Variants in TSNARE1 observed in about 807,000 individuals in gnomAD.
TSNARE1 encodes the protein t-SNARE domain containing 1.
Under a neutral mutation model 62.0 loss-of-function variants are expected in TSNARE1, and 49 were observed. That is an observed-to-expected ratio of 0.79 (90% CI 0.63 to 1.00). The LOEUF is 1.00. TSNARE1 is among the 50% of genes least tolerant of loss of function. The pLI, the probability that TSNARE1 is intolerant of heterozygous loss-of-function variation, is 0.00. For synonymous variants in TSNARE1, 328 were observed against 294.4 expected (o/e 1.11, Z -1.17); for missense variants, 755 against 700.1 (o/e 1.08, Z -0.88).
chr8:142,216,449 C>T (rs373036044), intron 13 of TSNARE1, among the ~76,000 whole-genome samples: 11 of 152,166 alleles, frequency 7.2e-5, no homozygotes, highest in South Asian at 6.2e-4. Flanking sequence ...TCTGGCCACA[C>T]GCTCGGGGGC....
intron 11 of TSNARE1, among the ~76,000 whole-genome samples, chr8:142,281,527 G>A (rs1466599114): frequency 6.6e-6 from 1 of 151,938 alleles, no homozygotes; most frequent in African/African-American, 2.4e-5. Flanking sequence ...TGACTACAGT[G>A]GGAAGAGGAC....
chr8:142,320,537 G>A (rs575870641), intron 6 of TSNARE1, among the ~76,000 whole-genome samples: 4 of 150,972 alleles, frequency 2.6e-5, no homozygotes, highest in African/African-American at 9.7e-5. Flanking sequence ...CTAGGCCCAC[G>A]TGGGTGGCCT....
rs1817351607 is a variant in TSNARE1, at chr8:142,235,321, G to A, written c.1447-5742C>T. ...GGTGGCTGGATGCTGGATGTCTAACGCGGGCCCCAGCGCCCTCGTCGGGCC... is the reference window on the plus strand; with the variant it reads ...GGTGGCTGGATGCTGGATGTCTAACACGGGCCCCAGCGCCCTCGTCGGGCC... On this transcript the variant is annotated intron_variant, in intron 12 of 13. Transcript: ENST00000524325. Among the ~76,000 whole-genome samples, 6 of 152,188 alleles carry A rather than the reference G, an allele frequency of 3.9e-5. No individual in the cohort carries two copies. The South Asian group carries it at 1.2e-3, about 32-fold the overall frequency.
chr8:142,278,483 GC>G (rs1264507894), intron 11 of TSNARE1: 12 of 985,372 alleles, frequency 1.2e-5, no homozygotes, highest in Non-Finnish European at 8.4e-6. Context: ...GGAGGGTCCA[GC>G]GGGGCTCTGC....
chr8:142,356,612 G>A (rs1177933748), intron 1 of TSNARE1, among the ~76,000 whole-genome samples: 1 of 152,196 alleles, frequency 6.6e-6, no homozygotes, highest in Non-Finnish European at 1.5e-5. Context: ...ACTATCCAGA[G>A]AGAAAACTTT....
intron 13 of TSNARE1, among the ~76,000 whole-genome samples, chr8:142,223,286 AT>A (rs1465595931): frequency 9.3e-5 from 1 of 10,750 alleles, no homozygotes; most frequent in South Asian, 2.4e-3. Context: ...TCACTCACTC[AT>A]ACTCACTCAA....
At chr8:142,262,128 G>A (rs1818925293) in intron 12 of TSNARE1, among the ~76,000 whole-genome samples, 1 of 152,216 alleles carries the variant, frequency 6.6e-6, no homozygotes, top group African/African-American at 2.4e-5. Flanking sequence ...ACTCCGTGGT[G>A]GGACAGCAGT....
At chr8:142,293,149 C>G (rs912204544) in intron 10 of TSNARE1, among the ~76,000 whole-genome samples, 1 of 152,236 alleles carries the variant, frequency 6.6e-6, no homozygotes, top group Non-Finnish European at 1.5e-5. Flanking sequence ...AGGCCATCAG[C>G]AGCATCTGCT....
chr8:142,383,220 G>A (rs532394544), intron 1 of TSNARE1, among the ~76,000 whole-genome samples: 4 of 152,360 alleles, frequency 2.6e-5, no homozygotes, highest in African/African-American at 7.2e-5. Flanking sequence ...CAGTGTGCGT[G>A]GAGAACAACC....
At position 142,222,591 on chromosome 8, in the gene TSNARE1, CTCAT is replaced by C. The variant is rs1563755568; in HGVS notation, c.*11+6878_*11+6881del. On this transcript the variant is annotated intron_variant, in intron 13 of 13. Coordinates refer to ENST00000524325, the MANE Select transcript of TSNARE1 (RefSeq NM_145003.5). ...ACTCACTCAGCCACTCATTCACTCACTCATTCATCCACTCACTCATTCATCCACT... is the reference window on the plus strand; with the variant it reads ...ACTCACTCAGCCACTCATTCACTCACTCATCCACTCACTCATTCATCCACT... Among the ~76,000 whole-genome samples the C allele has an allele frequency of 6.6e-3, 881 of 134,014 alleles. 333 individuals are homozygous for C. Among genetic ancestry groups the C allele is most frequent in the Non-Finnish European group, 9.6e-3 (596 of 61,864 alleles). 87.9% of individuals were successfully genotyped at this position (134,014 alleles called of 152,430 possible).
chr8:142,306,711 C>T (rs1012126796), intron 9 of TSNARE1, among the ~76,000 whole-genome samples: 7 of 152,232 alleles, frequency 4.6e-5, no homozygotes, highest in Non-Finnish European at 7.3e-5. Context: ...TTTTGTTGAA[C>T]AGGGTTGCAT....
intron 1 of TSNARE1, among the ~76,000 whole-genome samples, chr8:142,385,347 T>C (rs1837042356): frequency 1.3e-5 from 2 of 152,278 alleles, no homozygotes; most frequent in South Asian, 4.1e-4. Context: ...CCCACCATTC[T>C]GAAAAAAACA....
At chr8:142,261,085 A>G in intron 12 of TSNARE1, among the ~76,000 whole-genome samples, 1 of 105,334 alleles carries the variant, frequency 9.5e-6, no homozygotes, top group Non-Finnish European at 1.9e-5. Context: ...AGAGGAAAGG[A>G]GGAAGGAGGG....
chr8:142,251,260 T>G, intron 12 of TSNARE1, among the ~76,000 whole-genome samples: 1 of 141,576 alleles, frequency 7.1e-6, no homozygotes, highest in Non-Finnish European at 1.6e-5. Context: ...CTGCCCCCCA[T>G]GCCACACACT....
intron 4 of TSNARE1, among the ~76,000 whole-genome samples, chr8:142,341,277 C>CA (rs1832551190): frequency 6.6e-6 from 1 of 152,208 alleles, no homozygotes; most frequent in South Asian, 2.1e-4. Flanking sequence ...CCCACCCCCC[C>CA]AGGCCTGGCC....
At chr8:142,257,172 T>A (rs551449773) in intron 12 of TSNARE1, among the ~76,000 whole-genome samples, 1 of 152,316 alleles carries the variant, frequency 6.6e-6, no homozygotes, top group African/African-American at 2.4e-5. Flanking sequence ...TTCAGCACAG[T>A]GCCCACTTCG....
At chr8:142,349,371 C>T (rs924867688) in intron 2 of TSNARE1, among the ~76,000 whole-genome samples, 2 of 152,168 alleles carry the variant, frequency 1.3e-5, no homozygotes, top group African/African-American at 4.8e-5. Flanking sequence ...AAAGCAGTTT[C>T]TAGGGAAATT....
chr8:142,269,368 G>A (rs1819319190), intron 12 of TSNARE1: 1 of 913,068 alleles, frequency 1.1e-6, no homozygotes, highest in Non-Finnish European at 1.3e-6. Flanking sequence ...ACACAGTGTG[G>A]GGTGAAGGTT....
At chr8:142,395,398 G>T (rs1837825583) in intron 1 of TSNARE1, among the ~76,000 whole-genome samples, 2 of 152,040 alleles carry the variant, frequency 1.3e-5, no homozygotes. Context: ...AGCCCAGGAG[G>T]TCACCAGTCG....
Sources: gnomAD v4.1 joint callset for allele counts (sites outside exome capture counted in the v4.1 genomes callset) on GRCh38, gnomAD v4.1.1 for gene constraint, MANE v1.5 for transcripts, NCBI Gene and HGNC (gene_info 2026-07-23, HGNC 2026-07-21) for gene names.